The following SRD5A2 variants were observed in gnomAD, a reference collection of about 807,000 sequenced individuals.
SRD5A2 encodes the protein 3-oxo-5-alpha-steroid 4-dehydrogenase 2.
In SRD5A2, 30 loss-of-function variants were observed where a neutral mutation model predicts 27.4. That is an observed-to-expected ratio of 1.10 (90% CI 0.82 to 1.49). The LOEUF (loss-of-function observed/expected upper bound fraction) is 1.49. Ranked by LOEUF, SRD5A2 falls within the 40% of genes most tolerant of loss-of-function variation. The pLI is 0.00. For synonymous variants in SRD5A2, 141 were observed against 133.6 expected (o/e 1.06, Z -0.38); for missense variants, 348 against 323.4 (o/e 1.08, Z -0.58).
At chr2:31,625,598 C>A in the SRD5A2 span, among the ~76,000 whole-genome samples, 1 of 152,148 alleles carries the variant, frequency 6.6e-6, no homozygotes, top group Admixed American at 6.5e-5. Context: ...GTTTTCCCAG[C>A]GACATTTATT....
chr2:31,654,085 A>T, the SRD5A2 span, among the ~76,000 whole-genome samples: 1 of 147,224 alleles, frequency 6.8e-6, no homozygotes, highest in Non-Finnish European at 1.5e-5. Context: ...AAGAAAGTTA[A>T]AAAAAAAAAA....
At chr2:31,569,552 G>A (rs1409254657) in intron 1 of SRD5A2, among the ~76,000 whole-genome samples, 2 of 151,992 alleles carry the variant, frequency 1.3e-5, no homozygotes, top group Non-Finnish European at 2.9e-5. Context: ...CTTTGGCAAA[G>A]TATCTGTTCA....
At chr2:31,598,512 A>AG in the SRD5A2 span, among the ~76,000 whole-genome samples, 13 of 152,084 alleles carry the variant, frequency 8.5e-5, no homozygotes, top group Non-Finnish European at 1.3e-4. Context: ...AAAAAAAAGA[A>AG]GGGGGAAAAA....
the SRD5A2 span, among the ~76,000 whole-genome samples, chr2:31,624,520 C>G: frequency 2.3e-4 from 35 of 152,108 alleles, no homozygotes; most frequent in East Asian, 1.7e-3. Context: ...CCTCTCCCCC[C>G]ACCCCACACA....
chr2:31,581,156 T>C (rs992828449), upstream of SRD5A2: 18 of 523,564 alleles, frequency 3.4e-5, no homozygotes, highest in African/African-American at 2.4e-4. Context: ...CGGCTTTACA[T>C]TCACCTCCCG....
intron 1 of SRD5A2, among the ~76,000 whole-genome samples, chr2:31,538,564 T>C (rs1209315932): frequency 2.0e-5 from 3 of 152,184 alleles, no homozygotes; most frequent in African/African-American, 7.2e-5. Context: ...TACTTCTCTC[T>C]GAAAACCTCC....
At chr2:31,627,019 G>T in the SRD5A2 span, among the ~76,000 whole-genome samples, 3 of 151,878 alleles carry the variant, frequency 2.0e-5, no homozygotes. Flanking sequence ...GCTATTAATT[G>T]TTGCCTCAAT....
chr2:31,626,596 T>G, the SRD5A2 span, among the ~76,000 whole-genome samples: 1 of 152,204 alleles, frequency 6.6e-6, no homozygotes, highest in Non-Finnish European at 1.5e-5. Flanking sequence ...AGGCCTTTTC[T>G]GCATCTATTG....
At chr2:31,585,171 C>T (rs1667154323), upstream of SRD5A2, among the ~76,000 whole-genome samples, 1 of 152,204 alleles carries the variant, frequency 6.6e-6, no homozygotes, top group Admixed American at 6.5e-5. Flanking sequence ...ACAAACCTCA[C>T]CACTGAGGGC....
the SRD5A2 span, among the ~76,000 whole-genome samples, chr2:31,600,161 T>A: frequency 6.6e-6 from 1 of 152,008 alleles, no homozygotes; most frequent in Admixed American, 6.6e-5. Flanking sequence ...CAGGATATGA[T>A]CTTGTTCCTT....
At chr2:31,548,933 T>A (rs1666320303) in intron 1 of SRD5A2, among the ~76,000 whole-genome samples, 3 of 151,878 alleles carry the variant, frequency 2.0e-5, no homozygotes, top group Admixed American at 6.6e-5. Context: ...ATAACATGGA[T>A]GAACCCTGAG....
chr2:31,630,601 G>A, the SRD5A2 span, among the ~76,000 whole-genome samples: 1 of 152,158 alleles, frequency 6.6e-6, no homozygotes, highest in African/African-American at 2.4e-5. Context: ...CATTCAATCT[G>A]TAGCGGCAAC....
chr2:31,568,216 C>T (rs1401602661), intron 1 of SRD5A2, among the ~76,000 whole-genome samples: 4 of 152,234 alleles, frequency 2.6e-5, no homozygotes, highest in Non-Finnish European at 2.9e-5. Flanking sequence ...CTGGGCTCCC[C>T]GAAGGGTCCC....
upstream of SRD5A2, among the ~76,000 whole-genome samples, chr2:31,583,857 A>G (rs1667129944): frequency 6.6e-6 from 1 of 152,034 alleles, no homozygotes; most frequent in South Asian, 2.1e-4. Context: ...GACACAGCAC[A>G]CCACCCAAGA....
rs545375157 is a variant in SRD5A2, at chr2:31,568,757, G to A, written c.281+11863C>T. 3.3e-5 allele frequency among the ~76,000 whole-genome samples: 5 copies of A among 152,274 alleles called. No homozygotes were observed. In the East Asian group the frequency reaches 7.7e-4, roughly 24 times the overall value. On this transcript the variant is annotated intron_variant, in intron 1 of 4. Coordinates refer to ENST00000622030, the MANE Select transcript of SRD5A2 (RefSeq NM_000348.4). ...GGTGCCCAGGCTGTTAGTGCCAAGGGGTGCTTGCAAGCCTGCACTAAGCCA... is the reference window on the plus strand; with the variant it reads ...GGTGCCCAGGCTGTTAGTGCCAAGGAGTGCTTGCAAGCCTGCACTAAGCCA...
rs1418220862 is a variant in SRD5A2 at position 31,524,607 on chromosome 2, GAAC to G, written c.*1586_*1588del. ...CATCCATGATTTAAAGGTATTTAAT[GAAC>G]AACAAAAACACTTATTTATATGATT... On this transcript the variant is annotated 3_prime_UTR_variant, in exon 5 of 5. Coordinates refer to ENST00000622030, the MANE Select transcript of SRD5A2 (RefSeq NM_000348.4). The G allele has an allele frequency of 1.3e-5, 3 of 229,784 alleles. No homozygotes were observed. Among genetic ancestry groups the G allele is most frequent in the African/African-American group, 6.6e-5 (3 of 45,132 alleles). 14.2% of individuals were successfully genotyped at this position (229,784 alleles called of 1,614,324 possible). A position where few individuals can be genotyped will look rare whatever the true frequency, so the allele number is the denominator to read the frequency against.
the SRD5A2 span, among the ~76,000 whole-genome samples, chr2:31,599,062 G>C: frequency 6.6e-6 from 1 of 151,892 alleles, no homozygotes; most frequent in East Asian, 1.9e-4. Context: ...AATTCTAAGA[G>C]ACAAAGATGG....
chr2:31,569,530 A>G (rs529797518), intron 1 of SRD5A2, among the ~76,000 whole-genome samples: 7 of 152,300 alleles, frequency 4.6e-5, no homozygotes, highest in African/African-American at 1.2e-4. Context: ...TTGTTTGCCA[A>G]TCATACGTTT....
chr2:31,628,845 T>C, the SRD5A2 span, among the ~76,000 whole-genome samples: 24 of 152,310 alleles, frequency 1.6e-4, no homozygotes, highest in African/African-American at 5.5e-4. Context: ...GTATGTGATC[T>C]TCCCCTTTTC....
Sources: gnomAD v4.1 joint callset for allele counts (sites outside exome capture counted in the v4.1 genomes callset) on GRCh38, gnomAD v4.1.1 for gene constraint, MANE v1.5 for transcripts, NCBI Gene and HGNC (gene_info 2026-07-23, HGNC 2026-07-21) for gene names.